MEF2D: variants seen among roughly 807,000 people sequenced by gnomAD.
MEF2D encodes myocyte-specific enhancer factor 2D.
In MEF2D, 10 loss-of-function variants were observed where a neutral mutation model predicts 59.3. The ratio of observed to expected loss-of-function variants is 0.17; its 90% confidence interval spans 0.10 to 0.29. The LOEUF (loss-of-function observed/expected upper bound fraction) is 0.29, where lower values mean the gene tolerates loss of function less well. Among genes scored for constraint, MEF2D ranks in the 10% least tolerant of loss-of-function variants. MEF2D has a pLI of 1.00. For missense variants in MEF2D, 508 were observed against 699.4 expected (o/e 0.73, Z 3.09); for synonymous variants, 305 against 295.0 (o/e 1.03, Z -0.35).
In MEF2D at chr1:156,468,198, C is replaced by A; in HGVS notation, c.1349G>T (p.Ser450Ile). 6.2e-7 allele frequency: 1 copy of A among 1,613,512 alleles called. No homozygotes were observed. Among genetic ancestry groups the A allele is most frequent in the Non-Finnish European group, 8.5e-7 (1 of 1,179,684 alleles). The part of the protein sequence containing the change: ...SEPVSPSRER[S>I]PAPPPPAVFP... Reference sequence around the variant, plus strand: ...CACAGCTGGAGGGGGAGGCGCAGGGCTGCGCTCACGGCTTGGGGACACCGG... The same window carrying A: ...CACAGCTGGAGGGGGAGGCGCAGGGATGCGCTCACGGCTTGGGGACACCGG... The change falls in exon 11 of 12, where the codon AGC becomes ATC. Residue 450 changes from serine to isoleucine, a missense_variant. By Grantham distance (142) the Ser-to-Ile change is moderately radical (BLOSUM62 -2). Transcript: ENST00000348159. This position sits in a 1 kb window ranked among gnomAD's most constrained non-coding sequence, Gnocchi z 4.3.
chr1:156,470,452 A>T (rs113400988), intron 9 of MEF2D, among the ~76,000 whole-genome samples: 9,197 of 151,744 alleles, frequency 0.061, 973 homozygotes, highest in African/African-American at 0.21. Context: ...AAAGAAAGAA[A>T]ATGTCCTCCC....
At chr1:156,482,080 C>T (rs1672057495) in intron 3 of MEF2D, among the ~76,000 whole-genome samples, 1 of 152,192 alleles carries the variant, frequency 6.6e-6, no homozygotes, top group African/African-American at 2.4e-5. Context: ...TGCAGGAGCA[C>T]ACCAGAAGAT....
intron 3 of MEF2D, 69 bp from the exon 4 acceptor site, chr1:156,481,040 GC>G: frequency 1.2e-6 from 2 of 1,601,142 alleles, no homozygotes; most frequent in Non-Finnish European, 8.5e-7. Flanking sequence ...GTTCCTTCCA[GC>G]CCCTCCCTAA....
chr1:156,477,167 G>A lies in MEF2D; in HGVS notation c.700C>T (p.Leu234Phe). The A allele has an allele frequency of 6.2e-7, 1 of 1,612,732 alleles. No individual in the cohort carries two copies. Among genetic ancestry groups the A allele is most frequent in the Non-Finnish European group, 8.5e-7 (1 of 1,179,166 alleles). The change falls in exon 7 of 12, where the codon CTC (leucine) becomes TTC (phenylalanine). Residue 234 changes from leucine to phenylalanine, a missense_variant. By Grantham distance (22) the Leu-to-Phe change is conservative. Transcript: ENST00000348159. ...CTGTTGCCATTGGCCACAGGGAGGA[G>A]GCCAGGGGAAGCCCGAGCACTGACG... ...GYVSARASPG[L>F]LPVANGNSLN...
chr1:156,479,469 T>C (rs1370165027), intron 5 of MEF2D, 117 bp downstream of exon 5: 9 of 1,493,288 alleles, frequency 6.0e-6, no homozygotes, highest in Admixed American at 2.1e-5. Flanking sequence ...TCAGGAGCCA[T>C]ACAAATGGCG....
intron 7 of MEF2D, 35 bp from the exon 8 acceptor site, chr1:156,476,549 T>A (rs1411128101): frequency 6.2e-7 from 1 of 1,605,370 alleles, no homozygotes; most frequent in Non-Finnish European, 8.5e-7. Context: ...GGATGTTCAG[T>A]CTCTGGCCGC....
In MEF2D at chr1:156,477,181, C is replaced by T. The variant is rs1158562298; in HGVS notation, c.686G>A (p.Arg229Gln). 2 of 1,608,470 alleles carry T rather than the reference C, an allele frequency of 1.2e-6. No individual in the cohort carries two copies. Among genetic ancestry groups the T allele is most frequent in the Non-Finnish European group, 1.7e-6 (2 of 1,176,870 alleles). Reference sequence around the variant, plus strand: ...CACAGGGAGGAGGCCAGGGGAAGCCCGAGCACTGACGTAGCCATTCCCTGG... The same window carrying T: ...CACAGGGAGGAGGCCAGGGGAAGCCTGAGCACTGACGTAGCCATTCCCTGG... Reference protein sequence around the residue: ...SPVGNGYVSARASPGLLPVAN... With the variant: ...SPVGNGYVSAQASPGLLPVAN... Residue 229 changes from arginine to glutamine, a missense_variant, in exon 7 of 12, where the codon CGG becomes CAG. This residue lies in a region of MEF2D where 481 missense variants were observed against 584.7 expected (regional missense o/e 0.82). Coordinates refer to ENST00000348159, the MANE Select transcript of MEF2D (RefSeq NM_005920.4).
At chr1:156,492,745 C>T (rs1391974015) in intron 1 of MEF2D, among the ~76,000 whole-genome samples, 1 of 152,200 alleles carries the variant, frequency 6.6e-6, no homozygotes, top group South Asian at 2.1e-4. Flanking sequence ...TCACCTTCCA[C>T]CTCCCCAACA....
At chr1:156,484,539 G>C (rs1348184065) in intron 1 of MEF2D, among the ~76,000 whole-genome samples, 1 of 152,242 alleles carries the variant, frequency 6.6e-6, no homozygotes, top group African/African-American at 2.4e-5. Flanking sequence ...CTCAGTCTAA[G>C]AGTAGTGCTT....
At chr1:156,476,389 A>G in intron 8 of MEF2D, 105 bp downstream of exon 8, 1 of 1,329,000 alleles carries the variant, frequency 7.5e-7, no homozygotes, top group Non-Finnish European at 1.1e-6. Context: ...GCAACAGTTC[A>G]CGCACAGGCG....
chr1:156,468,849 T>TGCTGTG lies in MEF2D; in HGVS notation c.1172_1177dup (p.Pro391_Gln392dup), dbSNP rs769349883. On this transcript the variant is annotated inframe_insertion, in exon 10 of 12. Coordinates refer to ENST00000348159, the MANE Select transcript of MEF2D (RefSeq NM_005920.4). This position sits in a 1 kb window ranked among gnomAD's most constrained non-coding sequence, Gnocchi z 4.3. Reference sequence around the variant, plus strand: ...AGGTGGCTGTTGCGGCTGCTGAGGCTGCTGTGGCTGTGGCTGCTGTGGCTG... The same window carrying TGCTGTG: ...AGGTGGCTGTTGCGGCTGCTGAGGCTGCTGTGGCTGTGGCTGTGGCTGCTGTGGCTG... 29 of 1,613,868 alleles carry TGCTGTG rather than the reference T, an allele frequency of 1.8e-5. No individual in the cohort carries two copies. The East Asian group carries it at 2.4e-4, about 14-fold the overall frequency.
At chr1:156,496,144 G>A (rs558274787) in intron 1 of MEF2D, among the ~76,000 whole-genome samples, 8 of 152,340 alleles carry the variant, frequency 5.3e-5, no homozygotes, top group Non-Finnish European at 5.9e-5. Context: ...TGTAGCCTCA[G>A]CCTCAGGAAA....
rs1295019334 is a variant in MEF2D, at chr1:156,464,637, C to G, written c.*3008G>C. 6.6e-6 allele frequency: 1 copy of G among 152,174 alleles called. No individual in the cohort carries two copies. Among genetic ancestry groups the G allele is most frequent in the Non-Finnish European group, 1.5e-5 (1 of 68,044 alleles). The allele number at this position is 152,174 out of a possible 1,614,324, so 9.4% of individuals were successfully genotyped here. A position where few individuals can be genotyped will look rare whatever the true frequency, so the allele number is the denominator to read the frequency against. On this transcript the variant is annotated 3_prime_UTR_variant, in exon 12 of 12. Coordinates refer to ENST00000348159, the MANE Select transcript of MEF2D (RefSeq NM_005920.4). ...CATCTGAGGTCTGGGTTCCCAGGGA[C>G]CCATTCATCTGGCCGCCCAGGAGCC...
rs1352780582 is a variant in MEF2D at position 156,466,794 on chromosome 1, T to A, written c.*851A>T. On this transcript the variant is annotated 3_prime_UTR_variant, in exon 12 of 12. Transcript: ENST00000348159. Reference sequence around the variant, plus strand: ...GGGTGGGGAGCTATTGCACTGTATATCTTAGAGAAAAACTGGGGAAGGGAG... The same window carrying A: ...GGGTGGGGAGCTATTGCACTGTATAACTTAGAGAAAAACTGGGGAAGGGAG... 6.5e-6 allele frequency: 1 copy of A among 152,862 alleles called. No individual in the cohort carries two copies. The highest frequency in any genetic ancestry group is 3.4e-3 in the Middle Eastern group (1 of 296). 9.5% of individuals were successfully genotyped at this position (152,862 alleles called of 1,614,324 possible).
chr1:156,488,246 G>A (rs1325238784), intron 1 of MEF2D, among the ~76,000 whole-genome samples: 1 of 152,320 alleles, frequency 6.6e-6, no homozygotes, highest in East Asian at 1.9e-4. Flanking sequence ...CAGGACATTT[G>A]GCAATGCCCA....
Position 156,479,606 on chromosome 1 carries a change from G to A in MEF2D, c.587C>T (p.Pro196Leu). Reference protein sequence around the residue: ...LQRNSVSPGLPQRPASAGAML... With the variant: ...LQRNSVSPGLLQRPASAGAML... ...CTCACCCGCACTAGCTGGCCGCTGG[G>A]GCAGGCCAGGAGACACACTGTTCCT... The change falls in exon 5 of 12, where the codon CCC becomes CTC. Residue 196 changes from proline (P) to leucine (L), a missense_variant. By Grantham distance (98) the Pro-to-Leu change is moderately conservative. Coordinates refer to ENST00000348159, the MANE Select transcript of MEF2D (RefSeq NM_005920.4). 6.4e-7 allele frequency: 1 copy of A among 1,551,974 alleles called. No individual in the cohort carries two copies.
At chr1:156,491,463 AC>A (rs1343010071) in intron 1 of MEF2D, among the ~76,000 whole-genome samples, 2 of 152,210 alleles carry the variant, frequency 1.3e-5, no homozygotes, top group South Asian at 2.1e-4. Context: ...GCGCTAGAAG[AC>A]AGTCAGGATG....
intron 1 of MEF2D, among the ~76,000 whole-genome samples, chr1:156,494,805 A>C (rs1174606123): frequency 2.0e-5 from 3 of 152,218 alleles, no homozygotes; most frequent in Admixed American, 6.5e-5. Flanking sequence ...AGGTCACCAG[A>C]AATAAGGGGC....
chr1:156,483,327 G>A lies in MEF2D; in HGVS notation c.-35C>T. The A allele has an allele frequency of 1.9e-6, 3 of 1,605,594 alleles. No individual in the cohort carries two copies. The highest frequency in any genetic ancestry group is 2.6e-6 in the Non-Finnish European group (3 of 1,172,240). ...GGGTCCTCAGTGCTACGGAGGGGAG[G>A]GGCTCGCTGGGTGGTGGGTCTCGGC... On this transcript the variant is annotated 5_prime_UTR_variant, in exon 2 of 12. Coordinates refer to ENST00000348159, the MANE Select transcript of MEF2D (RefSeq NM_005920.4).
Sources: gnomAD v4.1 joint callset for allele counts (sites outside exome capture counted in the v4.1 genomes callset) on GRCh38, gnomAD v4.1.1 for gene constraint, gnomAD v4.1.1 regional missense constraint, Gnocchi (gnomAD v3.1) non-coding constraint, MANE v1.5 for transcripts, NCBI Gene and HGNC (gene_info 2026-07-23, HGNC 2026-07-21) for gene names.